The following WDFY4 variants were observed in gnomAD, a reference collection of about 807,000 sequenced individuals.
WDFY4 encodes the protein WDFY family member 4.
In WDFY4, 169 loss-of-function variants were observed where a neutral mutation model predicts 351.9. The observed-to-expected ratio is 0.48, with a 90% CI of 0.42 to 0.55. The LOEUF (loss-of-function observed/expected upper bound fraction) is 0.55. Among genes scored for constraint, WDFY4 ranks in the 20% least tolerant of loss-of-function variants. The pLI is 0.00. For missense variants in WDFY4, 3,803 were observed against 3,935.6 expected (o/e 0.97, Z 0.90); for synonymous variants, 1,622 against 1,574.6 (o/e 1.03, Z -0.71).
intron 43 of WDFY4, among the ~76,000 whole-genome samples, 173 bp downstream of exon 43, chr10:48,877,372 C>T (rs777357538): frequency 1.3e-5 from 2 of 152,154 alleles, no homozygotes; most frequent in African/African-American, 4.8e-5. Flanking sequence ...AATTTGTTGG[C>T]CCAGAGAAAG....
chr10:48,738,896 T>C (rs1198409570), intron 11 of WDFY4, among the ~76,000 whole-genome samples: 1 of 152,234 alleles, frequency 6.6e-6, no homozygotes, highest in Non-Finnish European at 1.5e-5. Flanking sequence ...CTGTGGTCTG[T>C]CTGCCAGCCA....
At chr10:48,713,116 G>C (rs2063809707) in intron 2 of WDFY4, among the ~76,000 whole-genome samples, 1 of 152,172 alleles carries the variant, frequency 6.6e-6, no homozygotes, top group Non-Finnish European at 1.5e-5. Flanking sequence ...CTAGGGTGTG[G>C]GGTCTTGTCT....
In WDFY4 at chr10:48,774,640, C is replaced by A; in HGVS notation, c.2736C>A (p.Leu912=). 1.3e-6 allele frequency: 2 copies of A among 1,551,754 alleles called. No homozygotes were observed. The highest frequency in any genetic ancestry group is 1.2e-5 in the South Asian group (1 of 84,052). ...GCCTCATCAGGATCTTTGAGAAGCT[C>A]GCTTCCCAGGCCATTGAACCGGATG... ...HSRLIRIFEK[L]ASQAIEPDVL... Residue 912 remains leucine (L), a synonymous_variant, in exon 14 of 62, where the codon CTC becomes CTA. Coordinates refer to ENST00000325239, the MANE Select transcript of WDFY4 (RefSeq NM_001394531.1).
chr10:48,825,991 T>C (rs879024724), intron 35 of WDFY4, among the ~76,000 whole-genome samples: 2 of 152,224 alleles, frequency 1.3e-5, no homozygotes, highest in East Asian at 3.8e-4. Flanking sequence ...TTGCTTTTGT[T>C]GCAACTGCTT....
At chr10:48,768,410 C>G (rs1259587929) in intron 13 of WDFY4, among the ~76,000 whole-genome samples, 1 of 151,984 alleles carries the variant, frequency 6.6e-6, no homozygotes, top group Non-Finnish European at 1.5e-5. Flanking sequence ...CATGACCCCC[C>G]AACCTTTTGA....
chr10:48,825,803 C>A (rs10857653), intron 35 of WDFY4, among the ~76,000 whole-genome samples: 1 of 151,282 alleles, frequency 6.6e-6, no homozygotes, highest in Non-Finnish European at 1.5e-5. Context: ...TTAATGGGGT[C>A]GTTTGGTTTT....
intron 57 of WDFY4, among the ~76,000 whole-genome samples, chr10:48,971,312 C>T (rs371576264): frequency 2.5e-4 from 38 of 152,064 alleles, no homozygotes; most frequent in African/African-American, 5.6e-4. Context: ...CTGGCTAATA[C>T]GGTGAAACTC....
intron 51 of WDFY4, among the ~76,000 whole-genome samples, chr10:48,955,511 T>C (rs926717331): frequency 6.6e-6 from 1 of 152,198 alleles, no homozygotes; most frequent in Non-Finnish European, 1.5e-5. Context: ...TTGTCCCAGG[T>C]CCAGGGATTC....
In WDFY4 at chr10:48,867,308, A is replaced by G; in HGVS notation, c.6707A>G (p.Glu2236Gly). The G allele has an allele frequency of 6.6e-7, 1 of 1,506,014 alleles. No homozygotes were observed. Among genetic ancestry groups the G allele is most frequent in the Non-Finnish European group, 8.9e-7 (1 of 1,123,232 alleles). The allele number at this position is 1,506,014 out of a possible 1,614,324, so 93.3% of individuals were successfully genotyped here. A position where few individuals can be genotyped will look rare whatever the true frequency, so the allele number is the denominator to read the frequency against. The part of the protein sequence containing the change: ...CIENYRRRGQ[E>G]LYASLYKDHV... ...GAGAACTACAGAAGAAGAGGACAAG[A>G]GCTATATGCATCTTTATACAAAGAC... The change falls in exon 40 of 62, where the codon GAG (glutamate) becomes GGG (glycine). Residue 2236 changes from glutamate to glycine, a missense_variant. Glu to Gly is a moderately conservative substitution (Grantham distance 98, BLOSUM62 -2). Around this residue, in one of 3 missense-constraint regions of WDFY4, gnomAD observed 3,054 missense variants for 3,148.6 expected, o/e 0.97. Transcript: ENST00000325239.
intron 47 of WDFY4, among the ~76,000 whole-genome samples, chr10:48,927,060 G>A (rs931028505): frequency 4.6e-5 from 7 of 152,350 alleles, no homozygotes; most frequent in African/African-American, 1.7e-4. Context: ...CTGGAGAGCT[G>A]CAGGCTGCTG....
intron 31 of WDFY4, among the ~76,000 whole-genome samples, chr10:48,815,551 C>T (rs964401130): frequency 1.3e-5 from 2 of 152,060 alleles, no homozygotes; most frequent in African/African-American, 4.8e-5. Flanking sequence ...CTCTGCTTCT[C>T]AGGCTCGGAT....
chr10:48,823,912 G>A, intron 35 of WDFY4: 1 of 985,648 alleles, frequency 1.0e-6, no homozygotes, highest in Non-Finnish European at 1.2e-6. Flanking sequence ...ACCCCAACAG[G>A]TTTAAACAGA....
intron 47 of WDFY4, among the ~76,000 whole-genome samples, chr10:48,905,383 G>A (rs1358502229): frequency 1.3e-5 from 2 of 152,208 alleles, no homozygotes; most frequent in Admixed American, 1.3e-4. Context: ...TCAAATGTCT[G>A]GAGATTACTC....
intron 47 of WDFY4, among the ~76,000 whole-genome samples, chr10:48,931,164 G>A (rs1839980371): frequency 6.6e-6 from 1 of 152,102 alleles, no homozygotes; most frequent in Non-Finnish European, 1.5e-5. Flanking sequence ...AGGACAGGGT[G>A]GTGGTGGGAG....
chr10:48,700,969 G>C (rs1458852120), intron 1 of WDFY4, among the ~76,000 whole-genome samples: 1 of 152,124 alleles, frequency 6.6e-6, no homozygotes, highest in Non-Finnish European at 1.5e-5. Context: ...TAAATGTATA[G>C]TTCAGTGGCA....
rs1473550226 is a variant in WDFY4 at position 48,877,121 on chromosome 10, A to G, written c.7089A>G (p.Glu2363=). 6.5e-7 allele frequency: 1 copy of G among 1,550,212 alleles called. No homozygotes were observed. The highest frequency in any genetic ancestry group is 1.4e-5 in the African/African-American group (1 of 73,080). Residue 2363 remains glutamate (E), a synonymous_variant, in exon 43 of 62, where the codon GAA becomes GAG. Coordinates refer to ENST00000325239, the MANE Select transcript of WDFY4 (RefSeq NM_001394531.1). ...TGACCTTCTTCCCAGCCTTACACGA[A>G]AGTCTGCACTCAGAAGACTTCTTGG... ...TQLTFFPALH[E]SLHSEDFLEL...
Position 48,966,608 on chromosome 10 carries a change from C to G in WDFY4, c.8519C>G (p.Pro2840Arg), listed in dbSNP as rs1410975729. Reference sequence around the variant, plus strand: ...GATGTCTCCACCCCCGTGAGCCTGCCTGGCCACCCACAGCCCTTTTTCTAC... The same window carrying G: ...GATGTCTCCACCCCCGTGAGCCTGCGTGGCCACCCACAGCCCTTTTTCTAC... The part of the protein sequence containing the change: ...GKDVSTPVSL[P>R]GHPQPFFYSL... Residue 2840 changes from proline (P) to arginine (R), a missense_variant, in exon 55 of 62, where the codon CCT becomes CGT. This residue lies in a region of WDFY4 where 3,054 missense variants were observed against 3,148.6 expected (regional missense o/e 0.97). Transcript: ENST00000325239. 3.2e-6 allele frequency: 5 copies of G among 1,551,986 alleles called. No individual in the cohort carries two copies. The highest frequency in any genetic ancestry group is 4.4e-6 in the Non-Finnish European group (5 of 1,147,052).
At position 48,776,779 on chromosome 10, in the gene WDFY4, G is replaced by T; in HGVS notation, c.2893G>T (p.Gly965Trp). 6.5e-7 allele frequency: 1 copy of T among 1,550,082 alleles called. No individual in the cohort carries two copies. The highest frequency in any genetic ancestry group is 8.7e-7 in the Non-Finnish European group (1 of 1,146,532). ...ACAGACTGCACAGGGCTTGGCTGAG[G>T]GGCCCTGGCCAGCTGCCCCAGATGC... ...GSQTAQGLAE[G>W]PWPAAPDAGL... Residue 965 changes from glycine to tryptophan, a missense_variant, in exon 16 of 62, where the codon GGG becomes TGG. Gly to Trp is a radical substitution (Grantham distance 184). Transcript: ENST00000325239.
intron 19 of WDFY4, among the ~76,000 whole-genome samples, chr10:48,784,189 T>C (rs934292839): frequency 1.3e-4 from 20 of 152,260 alleles, no homozygotes; most frequent in Non-Finnish European, 1.8e-4. Flanking sequence ...AGTCTTCATC[T>C]ATCTGGGATG....
Sources: gnomAD v4.1 joint callset for allele counts (sites outside exome capture counted in the v4.1 genomes callset) on GRCh38, gnomAD v4.1.1 for gene constraint, gnomAD v4.1.1 regional missense constraint, MANE v1.5 for transcripts, NCBI Gene and HGNC (gene_info 2026-07-23, HGNC 2026-07-21) for gene names.